The following CFAP36 variants were observed in gnomAD, a reference collection of about 807,000 sequenced individuals.
CFAP36 encodes cilia and flagella associated protein 36.
CFAP36 carries 37 observed loss-of-function variants against 50.5 expected under a neutral mutation model. That is an observed-to-expected ratio of 0.73 (90% CI 0.56 to 0.96). CFAP36 has a LOEUF of 0.96. Among genes scored for constraint, CFAP36 ranks in the 50% least tolerant of loss-of-function variants. The pLI, the probability that CFAP36 is intolerant of heterozygous loss-of-function variation, is 0.00. For missense variants in CFAP36, 407 were observed against 396.2 expected, an observed-to-expected ratio of 1.03 and a Z score of -0.23; for synonymous variants, 138 against 128.2, an observed-to-expected ratio of 1.08 and a Z score of -0.52.
At chr2:55,540,569 T>C (rs1347438364) in intron 7 of CFAP36, among the ~76,000 whole-genome samples, 2 of 152,216 alleles carry the variant, frequency 1.3e-5, no homozygotes, top group African/African-American at 4.8e-5. Context: ...TGTTGGCTAT[T>C]CTGGGTGTTT....
intron 4 of CFAP36, among the ~76,000 whole-genome samples, chr2:55,530,643 A>T (rs942893747): frequency 1.3e-5 from 2 of 152,070 alleles, no homozygotes; most frequent in African/African-American, 4.8e-5. Context: ...TAACATCCTG[A>T]CTCAAAACAG....
intron 3 of CFAP36, among the ~76,000 whole-genome samples, chr2:55,524,380 T>C (rs1474715663): frequency 6.6e-6 from 1 of 151,566 alleles, no homozygotes; most frequent in East Asian, 1.9e-4. Context: ...TCAACTTTCC[T>C]GGTAGCTGGG....
intron 5 of CFAP36, among the ~76,000 whole-genome samples, chr2:55,534,651 A>G (rs1384267802): frequency 6.6e-6 from 1 of 152,206 alleles, no homozygotes; most frequent in Non-Finnish European, 1.5e-5. Context: ...CTGTGAGAAT[A>G]TATTAGATTT....
chr2:55,544,174 C>G, intron 8 of CFAP36, 46 bp from the exon 9 acceptor site: 1 of 1,608,852 alleles, frequency 6.2e-7, no homozygotes, highest in African/African-American at 1.3e-5. Context: ...GTGCTACTTA[C>G]TAAATGGATT....
chr2:55,533,300 A>G (rs1366171751), intron 4 of CFAP36, among the ~76,000 whole-genome samples: 8 of 152,176 alleles, frequency 5.3e-5, no homozygotes, highest in Non-Finnish European at 7.3e-5. Context: ...GTTGCCATAC[A>G]TTGTTATTTT....
Position 55,535,577 on chromosome 2 carries a change from G to A in CFAP36, c.486-135G>A, listed in dbSNP as rs747144511. 6.3e-5 allele frequency: 41 copies of A among 655,392 alleles called. 1 individual carries two copies. In the Admixed American group the frequency reaches 7.1e-4, roughly 11 times the overall value. 40.6% of individuals were successfully genotyped at this position (655,392 alleles called of 1,614,324 possible). ...TTGACTGTAAGCCACTTTAGAGCAA[G>A]GCTTGATTATCTTCCATCTTTGTGT... On this transcript the variant is annotated intron_variant, in intron 5 of 9. Coordinates refer to ENST00000349456, the MANE Select transcript of CFAP36 (RefSeq NM_080667.7).
intron 6 of CFAP36, among the ~76,000 whole-genome samples, chr2:55,536,773 CTTG>C (rs1684499096): frequency 6.6e-6 from 1 of 151,358 alleles, no homozygotes; most frequent in South Asian, 2.1e-4. Flanking sequence ...GAGACTGAGT[CTTG>C]TTGTATTGCC....
At chr2:55,527,796 A>C (rs1684247780) in intron 3 of CFAP36, among the ~76,000 whole-genome samples, 1 of 152,082 alleles carries the variant, frequency 6.6e-6, no homozygotes, top group Admixed American at 6.6e-5. Flanking sequence ...CTCAGACCAC[A>C]ACATAATTAA....
Position 55,520,491 on chromosome 2 carries a change from A to G in CFAP36, c.115+575A>G, listed in dbSNP as rs771990275. 17 of 1,533,986 alleles carry G rather than the reference A, an allele frequency of 1.1e-5. No homozygotes were observed. In the South Asian group the frequency reaches 2.0e-4, roughly 18 times the overall value. On this transcript the variant is annotated intron_variant, in intron 1 of 9. Transcript: ENST00000349456. ...CTGTGTTCCCCTTGGTGAGCTCTCT[A>G]CTCTTCGCTATACCAAAAATTGGCG...
intron 4 of CFAP36, among the ~76,000 whole-genome samples, chr2:55,532,141 G>A (rs1209080216): frequency 6.6e-6 from 1 of 151,764 alleles, no homozygotes; most frequent in Non-Finnish European, 1.5e-5. Context: ...GTTTGAGGCT[G>A]CAGTGAGCTA....
intron 3 of CFAP36, 41 bp from the exon 4 acceptor site, chr2:55,528,837 A>T: frequency 7.7e-7 from 1 of 1,293,266 alleles, no homozygotes; most frequent in Non-Finnish European, 1.1e-6. Flanking sequence ...TAATAGTTTT[A>T]AAACTTGAAT....
chr2:55,520,019 T>G (rs1045734345), intron 1 of CFAP36, 103 bp downstream of exon 1: 1 of 1,008,792 alleles, frequency 9.9e-7, no homozygotes, highest in Non-Finnish European at 1.5e-6. Flanking sequence ...CCCGACCCCC[T>G]GTCTCCACCC....
intron 1 of CFAP36, chr2:55,520,287 A>G (rs368695071): frequency 1.3e-5 from 12 of 918,328 alleles, no homozygotes; most frequent in Non-Finnish European, 1.9e-5. Context: ...CTTCTTCAAC[A>G]GCTTTGCCAG....
chr2:55,536,503 T>C (rs1431342394), intron 6 of CFAP36, among the ~76,000 whole-genome samples: 1 of 151,904 alleles, frequency 6.6e-6, no homozygotes. Context: ...TGGGCTGGAG[T>C]GCAGTGGCGC....
chr2:55,542,563 CT>C (rs1295896716), intron 7 of CFAP36, among the ~76,000 whole-genome samples: 1 of 152,190 alleles, frequency 6.6e-6, no homozygotes, highest in Non-Finnish European at 1.5e-5. Context: ...CTGATCTTCC[CT>C]TCCTAGAAAT....
chr2:55,531,887 A>C (rs951381047), intron 4 of CFAP36, among the ~76,000 whole-genome samples: 1 of 152,224 alleles, frequency 6.6e-6, no homozygotes, highest in Non-Finnish European at 1.5e-5. Context: ...ATAATTCTGC[A>C]AAAGCTGGCT....
intron 4 of CFAP36, among the ~76,000 whole-genome samples, chr2:55,532,207 T>TAA (rs985180019): frequency 2.2e-5 from 3 of 133,916 alleles, no homozygotes; most frequent in African/African-American, 8.3e-5. Flanking sequence ...GTCTCAAAAT[T>TAA]AAAAAAAAAA....
chr2:55,542,444 C>T (rs1684660889), intron 7 of CFAP36, among the ~76,000 whole-genome samples: 1 of 152,150 alleles, frequency 6.6e-6, no homozygotes, highest in Non-Finnish European at 1.5e-5. Flanking sequence ...TCTGCTTTGT[C>T]CTTTTGCCTG....
intron 6 of CFAP36, chr2:55,536,035 A>C: frequency 2.0e-6 from 1 of 502,838 alleles, no homozygotes; most frequent in Non-Finnish European, 3.1e-6. Flanking sequence ...GCATATAAGC[A>C]AGAGTAGTCA....
Sources: gnomAD v4.1 joint callset for allele counts (sites outside exome capture counted in the v4.1 genomes callset) on GRCh38, gnomAD v4.1.1 for gene constraint, MANE v1.5 for transcripts, NCBI Gene and HGNC (gene_info 2026-07-23, HGNC 2026-07-21) for gene names.